Variants in MBNL2 observed in about 807,000 individuals in gnomAD.
The protein encoded by MBNL2 is muscleblind like splicing regulator 2.
In MBNL2, 17 loss-of-function variants were observed where a neutral mutation model predicts 41.9. That is an observed-to-expected ratio of 0.41 (90% confidence interval 0.28 to 0.61). The LOEUF (loss-of-function observed/expected upper bound fraction) is 0.61, where lower values mean the gene tolerates loss of function less well. MBNL2 is among the 20% of genes least tolerant of loss of function. The pLI, the probability that MBNL2 is intolerant of heterozygous loss-of-function variation, is 0.35. For synonymous variants in MBNL2, 195 were observed against 182.9 expected (o/e 1.07, Z -0.53); for missense variants, 336 against 505.6 (o/e 0.66, Z 3.22).
intron 8 of MBNL2, among the ~76,000 whole-genome samples, chr13:97,370,059 A>C (rs1282750004): frequency 2.6e-5 from 4 of 152,184 alleles, no homozygotes; most frequent in Admixed American, 2.6e-4. Context: ...ATTCTATTAT[A>C]TACTATGTAA....
the MBNL2 span, among the ~76,000 whole-genome samples, chr13:97,187,336 G>C: frequency 6.6e-5 from 10 of 151,992 alleles, no homozygotes; most frequent in Admixed American, 4.6e-4. Context: ...TTTAGTCCCT[G>C]TTCACATTTC....
intron 1 of MBNL2, among the ~76,000 whole-genome samples, chr13:97,259,530 A>G (rs376495134): frequency 2.0e-5 from 3 of 152,102 alleles, no homozygotes; most frequent in African/African-American, 7.2e-5. Context: ...GGCTCCATGC[A>G]TGTCCCCCTT....
chr13:97,362,527 T>G (rs188189646), intron 7 of MBNL2, among the ~76,000 whole-genome samples: 5 of 152,258 alleles, frequency 3.3e-5, no homozygotes, highest in Non-Finnish European at 1.5e-5. Flanking sequence ...GGCAAATGTG[T>G]AATGTGTTCA....
intron 1 of MBNL2, among the ~76,000 whole-genome samples, chr13:97,255,377 T>C (rs902658289): frequency 6.6e-6 from 1 of 152,250 alleles, no homozygotes; most frequent in Admixed American, 6.5e-5. Flanking sequence ...ATCAAGTTTT[T>C]AAGTAAAATG....
At chr13:97,211,997 G>A in the MBNL2 span, among the ~76,000 whole-genome samples, 19 of 152,092 alleles carry the variant, frequency 1.2e-4, no homozygotes, top group African/African-American at 4.1e-4. Flanking sequence ...AATATCTAAA[G>A]GTGTCAAAGA....
chr13:97,150,114 A>T, the MBNL2 span, among the ~76,000 whole-genome samples: 1 of 152,174 alleles, frequency 6.6e-6, no homozygotes, highest in Non-Finnish European at 1.5e-5. Context: ...AATCCACAGT[A>T]ATCAGCCATC....
intron 2 of MBNL2, among the ~76,000 whole-genome samples, chr13:97,280,629 G>GC (rs2053197488): frequency 6.6e-6 from 1 of 152,182 alleles, no homozygotes; most frequent in South Asian, 2.1e-4. Flanking sequence ...TGCAAAGGCT[G>GC]CCTAGGCCCT....
Position 97,268,828 on chromosome 13 carries a change from A to G in MBNL2, c.-604-6804A>G, listed in dbSNP as rs1156987213. Among the ~76,000 whole-genome samples the G allele has an allele frequency of 6.6e-6, 1 of 152,200 alleles. No homozygotes were observed. Among genetic ancestry groups the G allele is most frequent in the African/African-American group, 2.4e-5 (1 of 41,436 alleles). ...TTACACTGTGGGGAGGCAGATGGAGAAATCAGTATTTACAGTTCTTGTGAA... is the reference window on the plus strand; with the variant it reads ...TTACACTGTGGGGAGGCAGATGGAGGAATCAGTATTTACAGTTCTTGTGAA... On this transcript the variant is annotated intron_variant, in intron 1 of 8. Transcript: ENST00000679496. This position sits in a 1 kb window ranked among gnomAD's most constrained non-coding sequence, Gnocchi z 4.6.
At chr13:97,274,078 A>T (rs2051667145) in intron 1 of MBNL2, among the ~76,000 whole-genome samples, 3 of 152,104 alleles carry the variant, frequency 2.0e-5, no homozygotes, top group Admixed American at 2.0e-4. Context: ...AAGAAAAAAA[A>T]TTAAAAAACT....
chr13:97,187,577 C>T, the MBNL2 span, among the ~76,000 whole-genome samples: 1 of 115,706 alleles, frequency 8.6e-6, no homozygotes, highest in Non-Finnish European at 1.7e-5. Context: ...ACTGGGAATC[C>T]TCAAACTATG....
chr13:97,247,575 G>A (rs1288151645), intron 1 of MBNL2, among the ~76,000 whole-genome samples: 1 of 152,138 alleles, frequency 6.6e-6, no homozygotes, highest in Non-Finnish European at 1.5e-5. Context: ...ATATAACTTG[G>A]AGCATTAGAA....
the MBNL2 span, among the ~76,000 whole-genome samples, chr13:97,209,132 A>T: frequency 6.6e-6 from 1 of 152,212 alleles, no homozygotes; most frequent in Non-Finnish European, 1.5e-5. Context: ...TTTTAAATTA[A>T]ATCCCTATAT....
chr13:97,387,484 G>A (rs775083262), intron 8 of MBNL2, among the ~76,000 whole-genome samples: 3 of 152,138 alleles, frequency 2.0e-5, no homozygotes, highest in Admixed American at 6.5e-5. Context: ...AGCTCCAAGT[G>A]CATTTGCTGT....
At chr13:97,142,872 T>C in the MBNL2 span, among the ~76,000 whole-genome samples, 114 of 152,304 alleles carry the variant, frequency 7.5e-4, no homozygotes, top group Non-Finnish European at 1.3e-4. Flanking sequence ...TTTTTTTAGT[T>C]TGCCTTGAGA....
At chr13:97,241,635 T>C (rs1278843076) in intron 1 of MBNL2, among the ~76,000 whole-genome samples, 3 of 152,182 alleles carry the variant, frequency 2.0e-5, no homozygotes, top group Non-Finnish European at 2.9e-5. Flanking sequence ...ACAATCATGA[T>C]TGGTAGCAAT....
the MBNL2 span, among the ~76,000 whole-genome samples, chr13:97,142,188 C>T: frequency 6.6e-6 from 1 of 152,168 alleles, no homozygotes; most frequent in Non-Finnish European, 1.5e-5. Context: ...TATAACTGTG[C>T]TTATTTATTC....
At chr13:97,345,811 C>G (rs780347506) in intron 4 of MBNL2, among the ~76,000 whole-genome samples, 62 of 115,188 alleles carry the variant, frequency 5.4e-4, no homozygotes, top group Non-Finnish European at 9.4e-4. Context: ...GTCATTTTCT[C>G]TGATTCTTTT....
chr13:97,323,041 C>T (rs1039952702), intron 2 of MBNL2, among the ~76,000 whole-genome samples: 1 of 152,164 alleles, frequency 6.6e-6, no homozygotes, highest in African/African-American at 2.4e-5. Flanking sequence ...TGACACTAAA[C>T]AGGCTTGGGA....
At chr13:97,232,583 C>A (rs1384890356) in intron 1 of MBNL2, among the ~76,000 whole-genome samples, 1 of 152,074 alleles carries the variant, frequency 6.6e-6, no homozygotes, top group East Asian at 1.9e-4. Flanking sequence ...AAACATGCAA[C>A]CCTTGTCCAC....
Sources: allele counts gnomAD v4.1 joint callset (sites outside exome capture counted in the v4.1 genomes callset), GRCh38; gene constraint gnomAD v4.1.1; non-coding constraint Gnocchi (gnomAD v3.1); transcripts MANE v1.5; gene names NCBI Gene and HGNC (gene_info 2026-07-23, HGNC 2026-07-21).